Variants in SOX5 observed in about 807,000 individuals in gnomAD.
SOX5 encodes SRY-box transcription factor 5.
A neutral mutation model predicts 92.0 loss-of-function variants in SOX5; 9 were observed. That is an observed-to-expected ratio of 0.10 (90% confidence interval 0.06 to 0.17). SOX5 has a LOEUF of 0.17. SOX5 is among the 10% of genes least tolerant of loss of function. The pLI is 1.00. For synonymous variants in SOX5, 344 were observed against 336.3 expected (o/e 1.02, Z -0.25); for missense variants, 642 against 944.5 (o/e 0.68, Z 4.20).
At chr12:24,308,365 A>G (rs1459065525) in intron 2 of SOX5, among the ~76,000 whole-genome samples, 1 of 152,216 alleles carries the variant, frequency 6.6e-6, no homozygotes, top group Non-Finnish European at 1.5e-5. Flanking sequence ...TGACCTCTCA[A>G]GTTGCCCGTT....
chr12:24,084,042 A>G (rs1279610722), intron 4 of SOX5, among the ~76,000 whole-genome samples: 1 of 152,024 alleles, frequency 6.6e-6, no homozygotes, highest in African/African-American at 2.4e-5. Flanking sequence ...GAAAGGAGGA[A>G]AGGCACTGAG....
chr12:23,928,055 C>G (rs1372380354), intron 1 of SOX5, among the ~76,000 whole-genome samples: 1 of 151,926 alleles, frequency 6.6e-6, no homozygotes, highest in Non-Finnish European at 1.5e-5. Flanking sequence ...ATGGAGCTCC[C>G]CAGTGAAAAT....
At chr12:24,104,265 T>C (rs1302182778) in intron 4 of SOX5, among the ~76,000 whole-genome samples, 1 of 152,214 alleles carries the variant, frequency 6.6e-6, no homozygotes, top group African/African-American at 2.4e-5. Context: ...AAAAATTCCA[T>C]ATCAAAATGA....
chr12:23,583,663 G>C (rs1950340360), intron 9 of SOX5, among the ~76,000 whole-genome samples: 1 of 152,076 alleles, frequency 6.6e-6, no homozygotes, highest in East Asian at 1.9e-4. Flanking sequence ...AGGAAGCATA[G>C]AGCAGTAAGA....
intron 1 of SOX5, among the ~76,000 whole-genome samples, chr12:23,937,427 T>C (rs1331533714): frequency 6.6e-6 from 1 of 150,976 alleles, no homozygotes; most frequent in African/African-American, 2.4e-5. Flanking sequence ...TTTCCTTTAC[T>C]GAAATAGTGA....
At chr12:23,930,803 C>A (rs1276290262) in intron 1 of SOX5, among the ~76,000 whole-genome samples, 1 of 151,602 alleles carries the variant, frequency 6.6e-6, no homozygotes, top group Admixed American at 6.6e-5. Flanking sequence ...AGGATTTTAC[C>A]CTACAGGCCA....
At chr12:23,942,992 T>C (rs1943939905) in intron 1 of SOX5, among the ~76,000 whole-genome samples, 1 of 152,108 alleles carries the variant, frequency 6.6e-6, no homozygotes, top group Non-Finnish European at 1.5e-5. Context: ...CAGCTTTTCT[T>C]TATAGTGTTC....
chr12:23,700,955 G>A (rs1290469778), intron 6 of SOX5, among the ~76,000 whole-genome samples: 2 of 150,940 alleles, frequency 1.3e-5, no homozygotes, highest in Non-Finnish European at 3.0e-5. Flanking sequence ...AAATATATAT[G>A]TGTGTATATA....
intron 2 of SOX5, among the ~76,000 whole-genome samples, chr12:23,894,397 T>C (rs1568713954): frequency 6.6e-6 from 1 of 152,110 alleles, no homozygotes; most frequent in Non-Finnish European, 1.5e-5. Context: ...CCAGCTAATC[T>C]TTGTATTTTC....
At chr12:23,799,726 A>G (rs1444060530) in intron 3 of SOX5, among the ~76,000 whole-genome samples, 5 of 152,056 alleles carry the variant, frequency 3.3e-5, no homozygotes, top group African/African-American at 1.2e-4. Flanking sequence ...TATTTTCAGT[A>G]TTATTAATAC....
chr12:23,866,370 T>C (rs1283823764), intron 2 of SOX5, among the ~76,000 whole-genome samples: 5 of 152,244 alleles, frequency 3.3e-5, no homozygotes, highest in Admixed American at 6.5e-5. Flanking sequence ...TAATTTGTTA[T>C]GAACAAGTAG....
intron 9 of SOX5, among the ~76,000 whole-genome samples, chr12:23,603,601 G>A (rs1180996784): frequency 6.6e-6 from 1 of 151,308 alleles, no homozygotes; most frequent in East Asian, 1.9e-4. Context: ...TGCATGGAAA[G>A]CTTAATATAT....
At position 24,377,472 on chromosome 12, in the gene SOX5, C is replaced by A. The variant is rs1398799689; in HGVS notation, c.-250-8833G>T. 2.6e-5 allele frequency among the ~76,000 whole-genome samples: 4 copies of A among 152,158 alleles called. No homozygotes were observed. In the East Asian group the frequency reaches 7.7e-4, roughly 29 times the overall value. ...CTGAAACTAAAACTAACTAAGAATG[C>A]AGAAAAATGTTACTGAAAATTTACT... On this transcript the variant is annotated intron_variant, in intron 1 of 4. Transcript: ENST00000446891.
chr12:24,281,216 C>T (rs1274748633), intron 2 of SOX5, among the ~76,000 whole-genome samples: 2 of 135,602 alleles, frequency 1.5e-5, no homozygotes, highest in East Asian at 2.1e-4. Flanking sequence ...AAAATCTATA[C>T]GGTTATAAAA....
chr12:24,337,773 T>C (rs1952075231), intron 2 of SOX5, among the ~76,000 whole-genome samples: 1 of 152,232 alleles, frequency 6.6e-6, no homozygotes, highest in Non-Finnish European at 1.5e-5. Flanking sequence ...AAATTTTTGC[T>C]AATACGTAGA....
intron 8 of SOX5, among the ~76,000 whole-genome samples, chr12:23,636,187 T>G (rs2079207456): frequency 6.6e-6 from 1 of 152,180 alleles, no homozygotes; most frequent in African/African-American, 2.4e-5. Context: ...ATAAATGGTG[T>G]CTATGGCACA....
chr12:23,542,125 T>G, intron 13 of SOX5, among the ~76,000 whole-genome samples: 1 of 152,186 alleles, frequency 6.6e-6, no homozygotes, highest in Non-Finnish European at 1.5e-5. Flanking sequence ...CAAAACCTCA[T>G]GCATATGTTT....
At chr12:23,720,477 A>T (rs1054195511) in intron 6 of SOX5, among the ~76,000 whole-genome samples, 1 of 152,198 alleles carries the variant, frequency 6.6e-6, no homozygotes, top group Non-Finnish European at 1.5e-5. Flanking sequence ...GGAGAAATAC[A>T]TTCATCTGTA....
At chr12:23,988,829 T>G (rs1950289239) in intron 4 of SOX5, among the ~76,000 whole-genome samples, 1 of 152,080 alleles carries the variant, frequency 6.6e-6, no homozygotes, top group Admixed American at 6.6e-5. Flanking sequence ...TTAAGTTTTC[T>G]AAGTCACCGA....
Sources: gnomAD v4.1 joint callset for allele counts (sites outside exome capture counted in the v4.1 genomes callset) on GRCh38, gnomAD v4.1.1 for gene constraint, MANE v1.5 for transcripts, NCBI Gene and HGNC (gene_info 2026-07-23, HGNC 2026-07-21) for gene names.